Variants in FAM13A observed in about 807,000 individuals in gnomAD.
FAM13A encodes protein FAM13A.
Under a neutral mutation model 129.6 loss-of-function variants are expected in FAM13A, and 76 were observed. That is an observed-to-expected ratio of 0.59 (90% CI 0.49 to 0.71). The LOEUF (loss-of-function observed/expected upper bound fraction) is 0.71, where lower values mean the gene tolerates loss of function less well. FAM13A is among the 30% of genes least tolerant of loss of function. The probability of loss-of-function intolerance (pLI) is 0.00; values close to 1 mark genes in which losing one functional copy is unlikely to be tolerated. For synonymous variants in FAM13A, 443 were observed against 449.9 expected (o/e 0.98, Z 0.20); for missense variants, 1,108 against 1,249.3 (o/e 0.89, Z 1.70).
intron 9 of FAM13A, 96 bp downstream of exon 9, chr4:88,790,490 C>G: frequency 1.0e-6 from 1 of 997,040 alleles, no homozygotes; most frequent in East Asian, 2.4e-5. Flanking sequence ...CAATACTGTA[C>G]ACCATTAGAG....
At chr4:88,939,939 C>T (rs1388014389) in intron 4 of FAM13A, among the ~76,000 whole-genome samples, 1 of 152,126 alleles carries the variant, frequency 6.6e-6, no homozygotes, top group African/African-American at 2.4e-5. Context: ...AAACTCGAGC[C>T]TTTAGATAAA....
At chr4:88,857,518 A>G (rs570655289) in intron 6 of FAM13A, among the ~76,000 whole-genome samples, 1 of 151,232 alleles carries the variant, frequency 6.6e-6, no homozygotes, top group Non-Finnish European at 1.5e-5. Context: ...AATACCAGCT[A>G]CTCAGGAGGC....
At chr4:88,804,552 A>C (rs1728178231) in intron 8 of FAM13A, among the ~76,000 whole-genome samples, 1 of 152,126 alleles carries the variant, frequency 6.6e-6, no homozygotes, top group Non-Finnish European at 1.5e-5. Context: ...TGTAAGTTTT[A>C]GAAAATCATC....
intron 2 of FAM13A, among the ~76,000 whole-genome samples, chr4:89,020,967 T>C (rs1371002578): frequency 2.0e-5 from 3 of 152,220 alleles, no homozygotes; most frequent in Admixed American, 1.3e-4. Flanking sequence ...ATTTCATTTA[T>C]ATAATCTTCT....
chr4:89,009,628 G>A (rs1387520229), intron 3 of FAM13A, among the ~76,000 whole-genome samples: 1 of 152,120 alleles, frequency 6.6e-6, no homozygotes, highest in Non-Finnish European at 1.5e-5. Context: ...TGGGGACACA[G>A]GCTCAAACCA....
intron 7 of FAM13A, among the ~76,000 whole-genome samples, chr4:88,817,322 G>A (rs1191242795): frequency 2.0e-5 from 3 of 152,126 alleles, no homozygotes; most frequent in African/African-American, 7.2e-5. Flanking sequence ...CAGCATTTTG[G>A]GAGGCTGAGG....
At chr4:88,774,842 A>G (rs1721364067) in intron 11 of FAM13A, among the ~76,000 whole-genome samples, 1 of 152,198 alleles carries the variant, frequency 6.6e-6, no homozygotes, top group African/African-American at 2.4e-5. Flanking sequence ...GGACTTGGAA[A>G]ATGACTAAGG....
chr4:88,971,566 G>A (rs981402738), intron 4 of FAM13A, among the ~76,000 whole-genome samples: 26 of 152,118 alleles, frequency 1.7e-4, no homozygotes, highest in African/African-American at 6.3e-4. Context: ...GCATGCAGTG[G>A]CATGATCATG....
chr4:89,000,327 T>C (rs1015151404), intron 3 of FAM13A, among the ~76,000 whole-genome samples: 1 of 152,190 alleles, frequency 6.6e-6, no homozygotes, highest in East Asian at 1.9e-4. Context: ...ATTCATACTA[T>C]AGAATATTAA....
At chr4:88,926,062 C>T (rs1332324776) in intron 5 of FAM13A, among the ~76,000 whole-genome samples, 1 of 151,996 alleles carries the variant, frequency 6.6e-6, no homozygotes, top group Non-Finnish European at 1.5e-5. Flanking sequence ...GGAAGGGAGC[C>T]AACAAGAAAT....
In FAM13A at chr4:89,029,658, AGCGT is replaced by A; in HGVS notation, c.28-13_28-10del. On this transcript the variant is annotated splice_polypyrimidine_tract_variant and intron_variant, in intron 1 of 23. Transcript: ENST00000264344. ...ACCGCTGCTTTACTTTGCTTAAAGG[AGCGT>A]AAGAAAAAAGAGCAGTCAGTCATAT... The A allele has an allele frequency of 6.4e-7, 1 of 1,571,052 alleles. No homozygotes were observed. The highest frequency in any genetic ancestry group is 2.1e-5 in the Admixed American group (1 of 47,392).
chr4:88,819,996 C>A (rs1731573990), intron 7 of FAM13A, among the ~76,000 whole-genome samples: 1 of 152,204 alleles, frequency 6.6e-6, no homozygotes, highest in African/African-American at 2.4e-5. Flanking sequence ...CAGCCAACTC[C>A]ATCCTGGAAA....
In FAM13A at chr4:88,945,379, C is replaced by T. The variant is rs190174923; in HGVS notation, c.606-7138G>A. Among the ~76,000 whole-genome samples, 8 of 152,266 alleles carry T rather than the reference C, an allele frequency of 5.3e-5. No individual in the cohort carries two copies. In the East Asian group the frequency reaches 5.8e-4, roughly 11 times the overall value. On this transcript the variant is annotated intron_variant, in intron 4 of 23. Transcript: ENST00000264344. ...AGAGACATTCAACTGCAAATCAGGA[C>T]GAGAAGTTGCCAACTTCATGCTGTG...
In FAM13A at chr4:88,772,646, G is replaced by A. The variant is rs2149572054; in HGVS notation, c.1459-4587C>T. Among the ~76,000 whole-genome samples the A allele has an allele frequency of 1.3e-5, 2 of 152,288 alleles. 1 individual carries two copies. ...TTAGAAAATATCATAAGCCAAAAAT[G>A]CATTTAGTACACTTAACCTACTGAA... On this transcript the variant is annotated intron_variant, in intron 11 of 23. Coordinates refer to ENST00000264344, the MANE Select transcript of FAM13A (RefSeq NM_014883.4).
Position 88,875,885 on chromosome 4 carries a change from C to T in FAM13A, c.844-24702G>A, listed in dbSNP as rs181184600. On this transcript the variant is annotated intron_variant, in intron 6 of 23. Coordinates refer to ENST00000264344, the MANE Select transcript of FAM13A (RefSeq NM_014883.4). ...TATTCACAATAGCAAAGACTTGAAA[C>T]CAACCCAAATGTCCAACAATGATAG... Among the ~76,000 whole-genome samples the T allele has an allele frequency of 1.9e-3, 285 of 152,284 alleles. 2 individuals are homozygous for T. Among genetic ancestry groups the T allele is most frequent in the African/African-American group, 6.5e-3 (271 of 41,560 alleles).
intron 1 of FAM13A, among the ~76,000 whole-genome samples, chr4:89,041,656 C>T (rs1362221515): frequency 6.6e-6 from 1 of 152,074 alleles, no homozygotes; most frequent in Non-Finnish European, 1.5e-5. Flanking sequence ...CACGGTGGCT[C>T]ATGCCTGTAA....
At chr4:88,867,435 C>G (rs1740641398) in intron 6 of FAM13A, among the ~76,000 whole-genome samples, 1 of 152,160 alleles carries the variant, frequency 6.6e-6, no homozygotes, top group Admixed American at 6.6e-5. Flanking sequence ...AAAAGGACAC[C>G]TGTTTACAGG....
At chr4:88,818,722 C>T (rs1216591157) in intron 7 of FAM13A, among the ~76,000 whole-genome samples, 1 of 152,192 alleles carries the variant, frequency 6.6e-6, no homozygotes, top group African/African-American at 2.4e-5. Flanking sequence ...CAGCTTTTAA[C>T]TCCCTCCCAG....
intron 10 of FAM13A, among the ~76,000 whole-genome samples, chr4:88,786,221 A>G (rs538788250): frequency 6.6e-6 from 1 of 151,284 alleles, no homozygotes; most frequent in African/African-American, 2.4e-5. Flanking sequence ...CAGCACCATC[A>G]CTCTCTGTTC....
Sources: gnomAD v4.1 joint callset for allele counts (sites outside exome capture counted in the v4.1 genomes callset) on GRCh38, gnomAD v4.1.1 for gene constraint, MANE v1.5 for transcripts, NCBI Gene and HGNC (gene_info 2026-07-23, HGNC 2026-07-21) for gene names.